The following MAGI2 variants were observed in gnomAD, a reference collection of about 807,000 sequenced individuals.
MAGI2 encodes membrane-associated guanylate kinase, WW and PDZ domain-containing protein 2.
In MAGI2, 35 loss-of-function variants were observed where a neutral mutation model predicts 133.3. That is an observed-to-expected ratio of 0.26 (90% CI 0.20 to 0.35). The LOEUF (loss-of-function observed/expected upper bound fraction) is 0.35. Ranked by LOEUF, MAGI2 falls within the 10% of genes least tolerant of loss-of-function variation. The probability of loss-of-function intolerance (pLI) is 1.00; values close to 1 mark genes in which losing one functional copy is unlikely to be tolerated. For missense variants in MAGI2, 1,636 were observed against 1,863.4 expected, an observed-to-expected ratio of 0.88 and a Z score of 2.25; for synonymous variants, 729 against 710.6, an observed-to-expected ratio of 1.03 and a Z score of -0.41.
intron 2 of MAGI2, among the ~76,000 whole-genome samples, chr7:78,657,625 T>G (rs933891568): frequency 5.3e-5 from 8 of 152,030 alleles, no homozygotes; most frequent in African/African-American, 1.9e-4. Context: ...TTGGCGACTT[T>G]AAGAAGATCA....
chr7:78,331,757 G>A (rs959930477), intron 9 of MAGI2, among the ~76,000 whole-genome samples: 2 of 152,154 alleles, frequency 1.3e-5, no homozygotes, highest in Non-Finnish European at 2.9e-5. Context: ...CATTCCTGGT[G>A]TTATAATGTC....
intron 2 of MAGI2, among the ~76,000 whole-genome samples, chr7:78,783,816 T>C (rs1325823932): frequency 1.3e-5 from 2 of 152,212 alleles, no homozygotes; most frequent in African/African-American, 4.8e-5. Flanking sequence ...ACTACTGTAG[T>C]GAAATCACGT....
intron 1 of MAGI2, among the ~76,000 whole-genome samples, chr7:79,365,867 CAAAAAAAAA>C (rs71095399): frequency 4.1e-5 from 2 of 48,874 alleles, no homozygotes; most frequent in African/African-American, 7.5e-5. Flanking sequence ...ACTCTTGTCT[CAAAAAAAAA>C]AAAAAAAAAA....
chr7:79,214,440 TATAAA>T (rs1563003656), intron 1 of MAGI2, among the ~76,000 whole-genome samples: 20 of 121,342 alleles, frequency 1.6e-4, no homozygotes, highest in South Asian at 2.6e-4. Flanking sequence ...TATATATATA[TATAAA>T]TATGCACACA....
At chr7:78,844,370 A>G (rs190256920) in intron 2 of MAGI2, among the ~76,000 whole-genome samples, 105 of 152,002 alleles carry the variant, frequency 6.9e-4, no homozygotes, top group Non-Finnish European at 5.4e-4. Context: ...TCATAGCATC[A>G]TTACTCATAA....
intron 1 of MAGI2, among the ~76,000 whole-genome samples, chr7:79,172,395 T>C (rs1482076405): frequency 2.0e-5 from 3 of 152,046 alleles, no homozygotes; most frequent in African/African-American, 7.2e-5. Context: ...GAAAATCTCT[T>C]TTTTTGGACA....
chr7:78,902,330 C>T (rs1055337973), intron 2 of MAGI2, among the ~76,000 whole-genome samples: 4 of 152,260 alleles, frequency 2.6e-5, no homozygotes, highest in African/African-American at 7.2e-5. Context: ...TTTTCCAATG[C>T]ACTTCCTATG....
chr7:78,145,446 A>T (rs558115925), intron 16 of MAGI2, among the ~76,000 whole-genome samples: 4 of 151,926 alleles, frequency 2.6e-5, no homozygotes, highest in African/African-American at 9.7e-5. Flanking sequence ...TATTTCTTTG[A>T]TAATTTCCAT....
At chr7:78,084,481 G>A (rs568079682) in intron 20 of MAGI2, among the ~76,000 whole-genome samples, 2 of 97,404 alleles carry the variant, frequency 2.1e-5, no homozygotes, top group Admixed American at 9.7e-5. Context: ...TTTGCATGCC[G>A]TGTAAGTTAA....
intron 1 of MAGI2, among the ~76,000 whole-genome samples, chr7:79,267,474 T>C (rs1585379213): frequency 6.6e-6 from 1 of 152,068 alleles, no homozygotes; most frequent in Non-Finnish European, 1.5e-5. Flanking sequence ...GAAAGAGAGG[T>C]AGAACAGTGC....
chr7:78,693,383 T>C (rs1329069708), intron 2 of MAGI2, among the ~76,000 whole-genome samples: 1 of 152,190 alleles, frequency 6.6e-6, no homozygotes, highest in African/African-American at 2.4e-5. Context: ...TTACTTACAG[T>C]ATGCTTGTAT....
chr7:78,933,617 A>C (rs1800300965), intron 2 of MAGI2, among the ~76,000 whole-genome samples: 1 of 152,158 alleles, frequency 6.6e-6, no homozygotes, highest in African/African-American at 2.4e-5. Context: ...CCAATAGATA[A>C]ATAGCTGAGA....
intron 1 of MAGI2, among the ~76,000 whole-genome samples, chr7:79,297,703 T>A (rs960657326): frequency 6.6e-6 from 1 of 152,182 alleles, no homozygotes; most frequent in African/African-American, 2.4e-5. Flanking sequence ...TGTGATATTA[T>A]TGATAGAGAA....
intron 2 of MAGI2, among the ~76,000 whole-genome samples, chr7:78,698,077 T>C (rs760511432): frequency 6.6e-6 from 1 of 152,222 alleles, no homozygotes; most frequent in Non-Finnish European, 1.5e-5. Flanking sequence ...AAGTTTACCT[T>C]CAGAGAATCT....
At chr7:78,958,616 G>A (rs1238685299) in intron 2 of MAGI2, among the ~76,000 whole-genome samples, 1 of 152,154 alleles carries the variant, frequency 6.6e-6, no homozygotes. Flanking sequence ...GCCAGGGATT[G>A]TGCTTAACAT....
At position 78,573,066 on chromosome 7, in the gene MAGI2, TATATATATATACAC is replaced by T. The variant is rs1369525340; in HGVS notation, c.539-51435_539-51422del. Among the ~76,000 whole-genome samples the T allele has an allele frequency of 2.4e-3, 216 of 89,668 alleles. 6 individuals carry two copies. Among genetic ancestry groups the T allele is most frequent in the African/African-American group, 9.0e-3 (194 of 21,464 alleles). 58.8% of individuals were successfully genotyped at this position (89,668 alleles called of 152,430 possible). A position where few individuals can be genotyped will look rare whatever the true frequency, so the allele number is the denominator to read the frequency against. On this transcript the variant is annotated intron_variant, in intron 3 of 21. Transcript: ENST00000354212. ...ATATATATATATATATATATATATATATATATATATACACACACACACACACACGGAGAGATATA... is the reference window on the plus strand; with the variant it reads ...ATATATATATATATATATATATATATACACACACACACACGGAGAGATATA...
chr7:79,142,490 A>T (rs1436014607), intron 1 of MAGI2, among the ~76,000 whole-genome samples: 2 of 152,192 alleles, frequency 1.3e-5, no homozygotes, highest in Non-Finnish European at 2.9e-5. Flanking sequence ...TTTCGGGGTT[A>T]CCGTTCTAGA....
chr7:78,258,992 C>A (rs1393537017), intron 9 of MAGI2, among the ~76,000 whole-genome samples: 1 of 152,124 alleles, frequency 6.6e-6, no homozygotes, highest in African/African-American at 2.4e-5. Flanking sequence ...ACACTCTGAT[C>A]GGTAGTGTGT....
intron 2 of MAGI2, among the ~76,000 whole-genome samples, chr7:78,683,693 A>G (rs1815947800): frequency 6.6e-6 from 1 of 152,082 alleles, no homozygotes; most frequent in Non-Finnish European, 1.5e-5. Context: ...CACTGCAGTT[A>G]TTCTCAGTTC....
Sources: gnomAD v4.1 joint callset for allele counts (sites outside exome capture counted in the v4.1 genomes callset) on GRCh38, gnomAD v4.1.1 for gene constraint, MANE v1.5 for transcripts, NCBI Gene and HGNC (gene_info 2026-07-23, HGNC 2026-07-21) for gene names.